Variants in TUBGCP6 observed in about 807,000 individuals in gnomAD.
The protein encoded by TUBGCP6 is gamma-tubulin complex component 6.
TUBGCP6 carries 161 observed loss-of-function variants against 175.8 expected under a neutral mutation model. The ratio of observed to expected loss-of-function variants is 0.92; its 90% CI spans 0.81 to 1.04. TUBGCP6 has a LOEUF of 1.04. Among genes scored for constraint, TUBGCP6 ranks in the 50% least tolerant of loss-of-function variants. The pLI is 0.00. For missense variants in TUBGCP6, 2,572 were observed against 2,433.0 expected (o/e 1.06, Z -1.20); for synonymous variants, 1,173 against 1,030.5 (o/e 1.14, Z -2.65).
At chr22:50,237,454 G>A (rs893792047) in intron 2 of TUBGCP6, among the ~76,000 whole-genome samples, 4 of 152,262 alleles carry the variant, frequency 2.6e-5, no homozygotes, top group Admixed American at 6.5e-5. Flanking sequence ...GTCAGGGGCC[G>A]TGGGATCAGG....
intron 2 of TUBGCP6, among the ~76,000 whole-genome samples, chr22:50,236,214 C>A (rs1486077103): frequency 1.3e-5 from 2 of 152,038 alleles, no homozygotes. Context: ...TGGCCCATTG[C>A]AACCTCTGCC....
intron 2 of TUBGCP6, among the ~76,000 whole-genome samples, chr22:50,234,684 C>CA: frequency 6.7e-6 from 1 of 148,610 alleles, no homozygotes; most frequent in African/African-American, 2.5e-5. Context: ...GCAGCATCTA[C>CA]ACCCAGGTCC....
Position 50,225,796 on chromosome 22 carries a change from TCTC to T in TUBGCP6, c.1978_1980del (p.Glu660del). On this transcript the variant is annotated inframe_deletion, in exon 10 of 25. Coordinates refer to ENST00000248846, the MANE Select transcript of TUBGCP6 (RefSeq NM_020461.4). ...CCGAGACCTGTGGTGCCACGCACCT[TCTC>T]CTCCTTGCTGACAGAGCTGTGGCGG... is the stretch of plus-strand genomic sequence containing the variant. 4 of 1,611,682 alleles carry T rather than the reference TCTC, an allele frequency of 2.5e-6. No homozygotes were observed. Among genetic ancestry groups the T allele is most frequent in the Non-Finnish European group, 3.4e-6 (4 of 1,178,910 alleles).
At chr22:50,222,263 C>G (rs932730728) in intron 14 of TUBGCP6, among the ~76,000 whole-genome samples, 161 bp from the exon 15 acceptor site, 2 of 152,144 alleles carry the variant, frequency 1.3e-5, no homozygotes, top group Admixed American at 1.3e-4. Flanking sequence ...AAAAGTACTC[C>G]AAAACCACGA....
At chr22:50,228,263 GCCCAGC>G (rs2064641860) in intron 4 of TUBGCP6, among the ~76,000 whole-genome samples, 1 of 75,728 alleles carries the variant, frequency 1.3e-5, no homozygotes, top group Admixed American at 1.2e-4. Context: ...TCTCATCTGA[GCCCAGC>G]TGCCCCAGGG....
intron 21 of TUBGCP6, 31 bp downstream of exon 21, chr22:50,218,671 TC>T (rs1219456339): frequency 1.2e-6 from 2 of 1,613,526 alleles, no homozygotes; most frequent in Admixed American, 1.7e-5. Context: ...CAGGCCCCTG[TC>T]CCATCCCCCG....
intron 1 of TUBGCP6, among the ~76,000 whole-genome samples, chr22:50,243,452 CAA>C (rs369826679): frequency 1.1e-4 from 13 of 113,466 alleles, no homozygotes; most frequent in Admixed American, 9.3e-5. Context: ...GACTCCATCT[CAA>C]AAAAAAAAAA....
intron 1 of TUBGCP6, 66 bp downstream of exon 1, chr22:50,243,651 AAG>A: frequency 7.4e-7 from 1 of 1,360,220 alleles, no homozygotes; most frequent in Admixed American, 2.3e-5. Context: ...GAAGAAGAAG[AAG>A]AAAGGTCACA....
intron 2 of TUBGCP6, among the ~76,000 whole-genome samples, chr22:50,237,415 C>A (rs941898394): frequency 1.3e-5 from 2 of 152,238 alleles, no homozygotes; most frequent in African/African-American, 4.8e-5. Flanking sequence ...GGAACTTGAA[C>A]CACAGCATCA....
intron 3 of TUBGCP6, among the ~76,000 whole-genome samples, chr22:50,232,556 C>CAAA (rs542603491): frequency 0.014 from 2,003 of 139,830 alleles, 51 homozygotes; most frequent in East Asian, 0.13. Flanking sequence ...GACCCTGTCT[C>CAAA]AAAAAAAAAA....
At chr22:50,223,283 A>G (rs1457894307) in intron 13 of TUBGCP6, 1 of 152,402 alleles carries the variant, frequency 6.6e-6, no homozygotes, top group Admixed American at 6.5e-5. Context: ...CACTCGCTCC[A>G]TAAAGAGATC....
At chr22:50,238,614 T>G (rs1475220017) in intron 2 of TUBGCP6, among the ~76,000 whole-genome samples, 1 of 147,840 alleles carries the variant, frequency 6.8e-6, no homozygotes, top group Non-Finnish European at 1.5e-5. Context: ...ATCCGCTCAC[T>G]GCAAACTCCG....
In TUBGCP6 at chr22:50,226,033, C is replaced by T. The variant is rs780899017; in HGVS notation, c.1833+17G>A. On this transcript the variant is annotated intron_variant, in intron 9 of 24. Coordinates refer to ENST00000248846, the MANE Select transcript of TUBGCP6 (RefSeq NM_020461.4). Reference sequence around the variant, plus strand: ...AAGACCGGCCCCTCTCTTCCCCACACATGAGCCCCTCCTCACCCGGGGGCA... The same window carrying T: ...AAGACCGGCCCCTCTCTTCCCCACATATGAGCCCCTCCTCACCCGGGGGCA... The T allele has an allele frequency of 4.3e-6, 7 of 1,614,006 alleles. No homozygotes were observed. The highest frequency in any genetic ancestry group is 1.1e-5 in the South Asian group (1 of 91,076).
chr22:50,231,324 C>T (rs1371675509), intron 3 of TUBGCP6, among the ~76,000 whole-genome samples: 9 of 151,240 alleles, frequency 6.0e-5, no homozygotes, highest in African/African-American at 2.2e-4. Flanking sequence ...CGTGGTAGTC[C>T]ATGCCTGTAG....
Position 50,221,102 on chromosome 22 carries a change from G to A in TUBGCP6, c.3257C>T (p.Ala1086Val), listed in dbSNP as rs149389978. ...RWNTHGHVSN[A>V]SISLGESVSD... The stretch of plus-strand genomic sequence containing the variant: ...CACAGACTCCCCTAAGCTGATGCTG[G>A]CATTGGATACGTGTCCGTGGGTGTT... The change falls in exon 16 of 25, where the codon GCC (alanine) becomes GTC (valine). Residue 1086 changes from alanine to valine, a missense_variant. Physicochemically the swap from Ala to Val is moderately conservative, Grantham distance 64. Coordinates refer to ENST00000248846, the MANE Select transcript of TUBGCP6 (RefSeq NM_020461.4). 116 of 1,613,084 alleles carry A rather than the reference G, an allele frequency of 7.2e-5. No homozygotes were observed. The highest frequency in any genetic ancestry group is 9.7e-5 in the Non-Finnish European group (114 of 1,179,836).
At chr22:50,226,436 G>A (rs1479713691) in intron 7 of TUBGCP6, 58 bp from the exon 8 acceptor site, 1 of 1,512,232 alleles carries the variant, frequency 6.6e-7, no homozygotes, top group Non-Finnish European at 9.0e-7. Context: ...GTGGGGCGTG[G>A]CTGTCAGTGA....
chr22:50,238,550 T>G (rs1262987824), intron 2 of TUBGCP6, among the ~76,000 whole-genome samples: 1 of 151,040 alleles, frequency 6.6e-6, no homozygotes, highest in African/African-American at 2.4e-5. Flanking sequence ...TTTTGTTTTT[T>G]TTTTTGAGAC....
At chr22:50,231,859 CAAAA>C (rs71198231) in intron 3 of TUBGCP6, among the ~76,000 whole-genome samples, 1 of 123,078 alleles carries the variant, frequency 8.1e-6, no homozygotes, top group Admixed American at 8.5e-5. Flanking sequence ...GACTCCGTCT[CAAAA>C]AAAAAAAAAA....
chr22:50,232,954 C>T (rs933128229), intron 3 of TUBGCP6, among the ~76,000 whole-genome samples: 2 of 152,212 alleles, frequency 1.3e-5, no homozygotes, highest in Admixed American at 6.5e-5. Context: ...AGCGCAGGCC[C>T]CAGTCTCGGG....
Sources: allele counts gnomAD v4.1 joint callset (sites outside exome capture counted in the v4.1 genomes callset), GRCh38; gene constraint gnomAD v4.1.1; transcripts MANE v1.5; gene names NCBI Gene and HGNC (gene_info 2026-07-23, HGNC 2026-07-21).